SKAP2: variants seen among roughly 807,000 people sequenced by gnomAD.
SKAP2 encodes the protein src kinase associated phosphoprotein 2.
In SKAP2, 28 loss-of-function variants were observed where a neutral mutation model predicts 54.9. That is an observed-to-expected ratio of 0.51 (90% CI 0.38 to 0.70). The LOEUF (loss-of-function observed/expected upper bound fraction) is 0.70, where lower values mean the gene tolerates loss of function less well. SKAP2 is among the 30% of genes least tolerant of loss of function. SKAP2 has a pLI of 0.00. For missense variants in SKAP2, 356 were observed against 424.1 expected (o/e 0.84, Z 1.41); for synonymous variants, 137 against 134.3 (o/e 1.02, Z -0.14).
intron 11 of SKAP2, among the ~76,000 whole-genome samples, chr7:26,670,695 G>A (rs1786208620): frequency 6.6e-6 from 1 of 151,866 alleles, no homozygotes; most frequent in Admixed American, 6.6e-5. Flanking sequence ...CCCTTCTTAA[G>A]AAAATCTAAT....
At chr7:26,864,040 T>C (rs1056061861) in intron 1 of SKAP2, among the ~76,000 whole-genome samples, 7 of 109,520 alleles carry the variant, frequency 6.4e-5, no homozygotes, top group Non-Finnish European at 1.3e-4. Context: ...CCACTCTTCC[T>C]CCCCCGCCCT....
At chr7:26,732,405 T>C (rs1207723472) in intron 6 of SKAP2, among the ~76,000 whole-genome samples, 1 of 152,220 alleles carries the variant, frequency 6.6e-6, no homozygotes, top group East Asian at 1.9e-4. Flanking sequence ...TGAGCCTGTG[T>C]GTAGCATTCT....
intron 4 of SKAP2, among the ~76,000 whole-genome samples, chr7:26,766,242 G>A (rs756782968): frequency 1.3e-5 from 2 of 152,142 alleles, no homozygotes; most frequent in Non-Finnish European, 2.9e-5. Flanking sequence ...AATTGTGAAT[G>A]GAAGTTCACT....
intron 4 of SKAP2, among the ~76,000 whole-genome samples, chr7:26,776,673 C>T (rs1474527475): frequency 2.0e-5 from 3 of 152,148 alleles, no homozygotes; most frequent in Non-Finnish European, 4.4e-5. Context: ...TATAATTTAT[C>T]ATTTCTTTTG....
At chr7:26,725,276 A>G (rs1787675748) in intron 9 of SKAP2, 152 bp downstream of exon 9, 3 of 502,626 alleles carry the variant, frequency 6.0e-6, no homozygotes, top group Non-Finnish European at 1.0e-5. Context: ...TGTAAAATAG[A>G]GTTTTGAAGA....
At chr7:26,757,252 C>G (rs1254798790) in intron 4 of SKAP2, among the ~76,000 whole-genome samples, 6 of 152,254 alleles carry the variant, frequency 3.9e-5, no homozygotes, top group Admixed American at 1.3e-4. Flanking sequence ...TTGCCCATGC[C>G]TATGTCCTGA....
At chr7:26,819,808 T>C (rs1042967029) in intron 4 of SKAP2, among the ~76,000 whole-genome samples, 1 of 152,048 alleles carries the variant, frequency 6.6e-6, no homozygotes, top group Non-Finnish European at 1.5e-5. Flanking sequence ...ATCTATATTA[T>C]ATATCTGGGA....
At chr7:26,856,888 T>C (rs1331410848) in intron 1 of SKAP2, among the ~76,000 whole-genome samples, 2 of 152,206 alleles carry the variant, frequency 1.3e-5, no homozygotes, top group East Asian at 3.9e-4. Flanking sequence ...AAACAATCTA[T>C]TTTCTATCAC....
intron 4 of SKAP2, among the ~76,000 whole-genome samples, chr7:26,760,923 G>A (rs999187556): frequency 8.5e-5 from 13 of 152,194 alleles, no homozygotes; most frequent in Admixed American, 8.5e-4. Context: ...AGTAGTATAA[G>A]TTGCTTCCGA....
At chr7:26,677,935 A>T (rs1292812516) in intron 11 of SKAP2, among the ~76,000 whole-genome samples, 1 of 152,250 alleles carries the variant, frequency 6.6e-6, no homozygotes, top group Non-Finnish European at 1.5e-5. Context: ...GGGATGTGAT[A>T]ATTACAATTA....
intron 4 of SKAP2, chr7:26,746,579 G>A (rs1309413082): frequency 2.0e-5 from 3 of 150,648 alleles, no homozygotes; most frequent in South Asian, 2.1e-4. Context: ...CCATGGCACA[G>A]GTTAAAGAAG....
chr7:26,661,194 A>G, the SKAP2 span, among the ~76,000 whole-genome samples: 1 of 152,126 alleles, frequency 6.6e-6, no homozygotes, highest in Non-Finnish European at 1.5e-5. Flanking sequence ...ACATTAAAGC[A>G]TTAAGGTTAC....
intron 1 of SKAP2, among the ~76,000 whole-genome samples, 187 bp downstream of exon 1, chr7:26,864,176 C>G (rs1785325229): frequency 6.6e-6 from 1 of 151,966 alleles, no homozygotes; most frequent in African/African-American, 2.4e-5. Flanking sequence ...AATTTCAACA[C>G]ACACGTCCAC....
chr7:26,834,059 T>C (rs567319042), intron 4 of SKAP2, among the ~76,000 whole-genome samples: 106 of 152,266 alleles, frequency 7.0e-4, no homozygotes, highest in African/African-American at 2.5e-3. Context: ...ACCGCACAAC[T>C]ACATGGAAAC....
intron 11 of SKAP2, among the ~76,000 whole-genome samples, chr7:26,681,657 T>G (rs1382681347): frequency 1.3e-5 from 2 of 152,214 alleles, no homozygotes; most frequent in Admixed American, 6.5e-5. Flanking sequence ...AAATTATAAA[T>G]GAGTCCATTA....
chr7:26,655,416 T>C, the SKAP2 span, among the ~76,000 whole-genome samples: 1 of 152,034 alleles, frequency 6.6e-6, no homozygotes, highest in East Asian at 1.9e-4. Flanking sequence ...ACTTGAATGC[T>C]AAAAAAAATT....
chr7:26,678,591 C>T (rs1038874505), intron 11 of SKAP2, among the ~76,000 whole-genome samples: 1 of 151,938 alleles, frequency 6.6e-6, no homozygotes, highest in Non-Finnish European at 1.5e-5. Flanking sequence ...CAGGTGCGCA[C>T]CACCACGCCC....
chr7:26,713,185 G>C (rs1159487089), intron 9 of SKAP2, among the ~76,000 whole-genome samples: 4 of 152,302 alleles, frequency 2.6e-5, no homozygotes, highest in Middle Eastern at 3.4e-3. Context: ...ACTGTGCCTG[G>C]AAAGTGCTTC....
At chr7:26,815,720 T>C (rs766827452) in intron 4 of SKAP2, among the ~76,000 whole-genome samples, 4 of 152,144 alleles carry the variant, frequency 2.6e-5, no homozygotes, top group South Asian at 2.1e-4. Flanking sequence ...ACTCACTACA[T>C]TCTTCCTATG....
Sources: gnomAD v4.1 joint callset for allele counts (sites outside exome capture counted in the v4.1 genomes callset) on GRCh38, gnomAD v4.1.1 for gene constraint, MANE v1.5 for transcripts, NCBI Gene and HGNC (gene_info 2026-07-23, HGNC 2026-07-21) for gene names.